DDX5: variants seen among roughly 807,000 people sequenced by gnomAD.
DDX5 encodes the protein probable ATP-dependent RNA helicase DDX5.
In DDX5, 6 loss-of-function variants were observed where a neutral mutation model predicts 68.6. That is an observed-to-expected ratio of 0.09 (90% CI 0.05 to 0.17). The LOEUF (loss-of-function observed/expected upper bound fraction) is 0.17, where lower values mean the gene tolerates loss of function less well. DDX5 is among the 10% of genes least tolerant of loss of function. The pLI, the probability that DDX5 is intolerant of heterozygous loss-of-function variation, is 1.00. For synonymous variants in DDX5, 350 were observed against 247.0 expected (o/e 1.42, Z -3.91); for missense variants, 499 against 756.1 (o/e 0.66, Z 3.99).
At position 64,500,024 on chromosome 17, in the gene DDX5, G is replaced by T; in HGVS notation, c.1744C>A (p.Pro582Thr). The change falls in exon 13 of 13, where the codon CCA becomes ACA. Residue 582 changes from proline to threonine, a missense_variant. Transcript: ENST00000225792. ...DSTQQYGSNV[P>T]NMHNGMNQQA... is the part of the protein sequence containing the mutation. ...TGGTTCATACCATTGTGCATATTTGGAACATTACTTCCGTATTGCTGAGTG... is the reference window on the plus strand; with the variant it reads ...TGGTTCATACCATTGTGCATATTTGTAACATTACTTCCGTATTGCTGAGTG... 2 of 1,614,196 alleles carry T rather than the reference G, an allele frequency of 1.2e-6. No homozygotes were observed. Among genetic ancestry groups the T allele is most frequent in the Non-Finnish European group, 1.7e-6 (2 of 1,180,038 alleles).
chr17:64,498,286 G>A lies in DDX5; in HGVS notation c.*1637C>T, dbSNP rs974921245. On this transcript the variant is annotated 3_prime_UTR_variant, in exon 13 of 13. Coordinates refer to ENST00000225792, the MANE Select transcript of DDX5 (RefSeq NM_004396.5). ...AAAAATCACATTTATTAGTTAAGAC[G>A]ACCACAGGCTGGACACAACACACAT... Among the ~76,000 whole-genome samples, 4 of 152,100 alleles carry A rather than the reference G, an allele frequency of 2.6e-5. No individual in the cohort carries two copies. Among genetic ancestry groups the A allele is most frequent in the Admixed American group, 2.6e-4 (4 of 15,254 alleles).
chr17:64,499,449 T>A lies in DDX5; in HGVS notation c.*474A>T, dbSNP rs1350720908. On this transcript the variant is annotated 3_prime_UTR_variant, in exon 13 of 13. Coordinates refer to ENST00000225792, the MANE Select transcript of DDX5 (RefSeq NM_004396.5). ...TTCTGACTCCTGCAATATGAATAGC[T>A]CATTATAAAGAAGGGCCTTCTGATT... is the stretch of plus-strand genomic sequence containing the variant. Among the ~76,000 whole-genome samples the A allele has an allele frequency of 6.6e-6, 1 of 151,810 alleles. No homozygotes were observed. Among genetic ancestry groups the A allele is most frequent in the Non-Finnish European group, 1.5e-5 (1 of 67,992 alleles).
upstream of DDX5, chr17:64,506,755 C>G (rs918140957): frequency 6.1e-6 from 3 of 489,822 alleles, no homozygotes; most frequent in African/African-American, 4.0e-5. Context: ...AATAGCTCAC[C>G]GGAAGTGCGC....
At chr17:64,501,858 T>C (rs2038304952) in intron 11 of DDX5, 152 bp downstream of exon 11, 9 of 717,200 alleles carry the variant, frequency 1.3e-5, no homozygotes, top group African/African-American at 3.6e-5. Flanking sequence ...AGTCCTCCGA[T>C]TGTCATGCCT....
Position 64,498,712 on chromosome 17 carries a change from G to A in DDX5, c.*1211C>T, listed in dbSNP as rs781954953. 8.2e-4 allele frequency among the ~76,000 whole-genome samples: 124 copies of A among 152,030 alleles called. No homozygotes were observed. Among genetic ancestry groups the A allele is most frequent in the Admixed American group, 2.1e-3 (32 of 15,266 alleles). ...CCTCTCTTCTGGCAAAAAAAAACAC[G>A]TATCAGACTCTGGGAAAACATTCAG... On this transcript the variant is annotated 3_prime_UTR_variant, in exon 13 of 13. Coordinates refer to ENST00000225792, the MANE Select transcript of DDX5 (RefSeq NM_004396.5).
At position 64,503,257 on chromosome 17, in the gene DDX5, A is replaced by G; in HGVS notation, c.741T>C (p.Leu247=). Residue 247 remains leucine, a synonymous_variant, in exon 7 of 13, where the codon CTT becomes CTC. Transcript: ENST00000225792. ...TATCAAGCATTCTATCTGCTTCATC[A>G]AGGACAAGGTAGGTTGTTCTTCTCA... ...TNLRRTTYLV[L]DEADRMLDMG... 1 of 1,614,194 alleles carries G rather than the reference A, an allele frequency of 6.2e-7. No homozygotes were observed. Among genetic ancestry groups the G allele is most frequent in the Non-Finnish European group, 8.5e-7 (1 of 1,180,030 alleles).
chr17:64,506,199 G>A lies in DDX5; in HGVS notation c.-80C>T, dbSNP rs1356979008. The A allele has an allele frequency of 2.5e-6, 4 of 1,572,564 alleles. No individual in the cohort carries two copies. Among genetic ancestry groups the A allele is most frequent in the African/African-American group, 2.7e-5 (2 of 74,220 alleles). On this transcript the variant is annotated 5_prime_UTR_variant, in exon 1 of 13. Transcript: ENST00000225792. Reference sequence around the variant, plus strand: ...AGTCGCTGGAAATGGCCTCGATGACGGCGAAGCCTTGCGGGGGCGGCAGCG... The same window carrying A: ...AGTCGCTGGAAATGGCCTCGATGACAGCGAAGCCTTGCGGGGGCGGCAGCG...
At chr17:64,503,781 A>G in intron 5 of DDX5, 22 bp downstream of exon 5, 17 of 1,604,180 alleles carry the variant, frequency 1.1e-5, no homozygotes, top group Non-Finnish European at 1.4e-5. Flanking sequence ...CTTCTAATAA[A>G]AAGTTAAAAA....
chr17:64,505,431 G>A (rs2038441965), intron 1 of DDX5: 3 of 547,620 alleles, frequency 5.5e-6, no homozygotes, highest in Non-Finnish European at 9.8e-6. Context: ...GGAGGAGCCG[G>A]CGACTACCGG....
rs2038360756 is a variant in DDX5 at position 64,503,929 on chromosome 17, C to T, written c.441+54G>A. On this transcript the variant is annotated intron_variant, in intron 4 of 12. Transcript: ENST00000225792. ...CATTAAAATACTCGTTTTTAAATTA[C>T]CATTACATTTTCTTGCATATATCAG... The T allele has an allele frequency of 1.4e-5, 23 of 1,613,524 alleles. No individual in the cohort carries two copies. The South Asian group carries it at 2.3e-4, about 16-fold the overall frequency.
chr17:64,505,522 C>T (rs2038450141), intron 1 of DDX5: 2 of 611,636 alleles, frequency 3.3e-6, no homozygotes, highest in Middle Eastern at 4.4e-4. Flanking sequence ...TCGCATTTCT[C>T]TCTGCGCCAC....
rs201627861 is a variant in DDX5, at chr17:64,500,037, G to A, written c.1731C>T (p.Tyr577=). ...TGTGCATATTTGGAACATTACTTCC[G>A]TATTGCTGAGTGCTATCATAACCAT... ...YQNGYDSTQQ[Y]GSNVPNMHNG... The change falls in exon 13 of 13, where the codon TAC becomes TAT. Residue 577 remains tyrosine, a synonymous_variant. Coordinates refer to ENST00000225792, the MANE Select transcript of DDX5 (RefSeq NM_004396.5). 3.5e-5 allele frequency: 56 copies of A among 1,614,194 alleles called. No individual in the cohort carries two copies. In the African/African-American group the frequency reaches 5.6e-4, roughly 16 times the overall value.
chr17:64,504,969 G>T (rs781954141), intron 1 of DDX5, 127 bp from the exon 2 acceptor site: 49 of 784,046 alleles, frequency 6.2e-5, no homozygotes, highest in Middle Eastern at 7.5e-4. Context: ...ACCTAGCACT[G>T]TCCTTCGTGA....
chr17:64,502,587 T>TAA, intron 8 of DDX5, 38 bp from the exon 9 acceptor site: 6 of 1,433,018 alleles, frequency 4.2e-6, no homozygotes, highest in Non-Finnish European at 5.9e-6. Context: ...TCCTGAGTTT[T>TAA]AAAAGACCAT....
chr17:64,499,860 C>T lies in DDX5; in HGVS notation c.*63G>A. The T allele has an allele frequency of 1.4e-6, 2 of 1,407,408 alleles. No homozygotes were observed. Among genetic ancestry groups the T allele is most frequent in the Admixed American group, 2.3e-5 (1 of 42,608 alleles). 87.2% of individuals were successfully genotyped at this position (1,407,408 alleles called of 1,614,324 possible). On this transcript the variant is annotated 3_prime_UTR_variant, in exon 13 of 13. Coordinates refer to ENST00000225792, the MANE Select transcript of DDX5 (RefSeq NM_004396.5). ...CATGTTTCTTAAATAACTATCTTGTCAGATAACACACAATATAAAGAGCAA... is the reference window on the plus strand; with the variant it reads ...CATGTTTCTTAAATAACTATCTTGTTAGATAACACACAATATAAAGAGCAA...
chr17:64,500,453 A>G, intron 12 of DDX5, 96 bp downstream of exon 12: 1 of 1,518,366 alleles, frequency 6.6e-7, no homozygotes, highest in Non-Finnish European at 9.0e-7. Context: ...AAGTTTTCAC[A>G]TTCAAGGTTT....
At chr17:64,502,894 G>C in intron 8 of DDX5, 32 bp downstream of exon 8, 1 of 1,532,832 alleles carries the variant, frequency 6.5e-7, no homozygotes, top group Non-Finnish European at 8.8e-7. Context: ...AAGTTGTTAG[G>C]AAGCAAATAT....
intron 1 of DDX5, chr17:64,505,063 G>A (rs1467620326): frequency 1.2e-5 from 5 of 420,484 alleles, no homozygotes; most frequent in Non-Finnish European, 2.1e-5. Flanking sequence ...AACAGCCTGG[G>A]ATTTATCATG....
upstream of DDX5, chr17:64,506,656 G>T (rs2038542951): frequency 2.7e-6 from 1 of 369,162 alleles, no homozygotes; most frequent in South Asian, 3.1e-5. Flanking sequence ...GCGGGGCCTG[G>T]CGTTGTCACG....
Sources: gnomAD v4.1 joint callset for allele counts (sites outside exome capture counted in the v4.1 genomes callset) on GRCh38, gnomAD v4.1.1 for gene constraint, MANE v1.5 for transcripts, NCBI Gene and HGNC (gene_info 2026-07-23, HGNC 2026-07-21) for gene names.